The following ARMC10 variants were observed in gnomAD, a reference collection of about 807,000 sequenced individuals.
ARMC10 encodes armadillo repeat containing 10, also known as armadillo repeat-containing protein 10.
A neutral mutation model predicts 30.2 loss-of-function variants in ARMC10; 23 were observed. The ratio of observed to expected loss-of-function variants is 0.76; its 90% CI spans 0.55 to 1.08. The LOEUF is 1.08. Ranked by LOEUF, ARMC10 falls within the 50% of genes least tolerant of loss-of-function variation. The pLI, the probability that ARMC10 is intolerant of heterozygous loss-of-function variation, is 0.00. For missense variants in ARMC10, 303 were observed against 413.7 expected, an observed-to-expected ratio of 0.73 and a Z score of 2.32; for synonymous variants, 111 against 164.4, an observed-to-expected ratio of 0.68 and a Z score of 2.48.
Position 103,089,521 on chromosome 7 carries a change from G to A in ARMC10, c.528+2757G>A, listed in dbSNP as rs115348226. On this transcript the variant is annotated intron_variant, in intron 4 of 6. Transcript: ENST00000323716. ...TACAACTAATGGTCTTTTGGAACTG[G>A]TACTGCAACATCTGACTGAGTTTCA... 1.5e-3 allele frequency: 290 copies of A among 188,880 alleles called. 4 individuals are homozygous for A. The highest frequency in any genetic ancestry group is 6.5e-3 in the African/African-American group (278 of 42,694). 11.7% of individuals were successfully genotyped at this position (188,880 alleles called of 1,614,324 possible).
At chr7:103,082,872 G>C (rs1201502417) in intron 2 of ARMC10, among the ~76,000 whole-genome samples, 1 of 152,176 alleles carries the variant, frequency 6.6e-6, no homozygotes, top group African/African-American at 2.4e-5. Flanking sequence ...TCTTCAAAAT[G>C]TCAGGTTTTC....
At position 103,075,526 on chromosome 7, in the gene ARMC10, G is replaced by A. The variant is rs1171007312; in HGVS notation, c.139+115G>A. 3.6e-6 allele frequency: 4 copies of A among 1,120,342 alleles called. No individual in the cohort carries two copies. The African/African-American group carries it at 6.4e-5, about 18-fold the overall frequency. 69.4% of individuals were successfully genotyped at this position (1,120,342 alleles called of 1,614,324 possible). A position where few individuals can be genotyped will look rare whatever the true frequency, so the allele number is the denominator to read the frequency against. ...AATGAGGAGCCGAGCTAGAGGGAGA[G>A]GCAGTACTTGTGTGAGTGCAGGGTG... is the stretch of plus-strand genomic sequence containing the variant. On this transcript the variant is annotated intron_variant, in intron 1 of 6. Coordinates refer to ENST00000323716, the MANE Select transcript of ARMC10 (RefSeq NM_031905.5).
At chr7:103,080,887 G>C (rs1485375090) in intron 2 of ARMC10, among the ~76,000 whole-genome samples, 1 of 151,470 alleles carries the variant, frequency 6.6e-6, no homozygotes, top group South Asian at 2.1e-4. Context: ...CAGCCTCCCA[G>C]AGTGCTGGGA....
chr7:103,080,716 C>T (rs750112664), intron 2 of ARMC10, among the ~76,000 whole-genome samples: 12 of 151,760 alleles, frequency 7.9e-5, no homozygotes, highest in East Asian at 1.9e-4. Flanking sequence ...CAACCTCTGC[C>T]GCCCAGGTTC....
intron 6 of ARMC10, 62 bp downstream of exon 6, chr7:103,097,410 G>A: frequency 8.3e-7 from 1 of 1,207,658 alleles, no homozygotes; most frequent in South Asian, 1.3e-5. Flanking sequence ...CAGACAGACA[G>A]ATCTGGAAAG....
Position 103,097,343 on chromosome 7 carries a change from G to T in ARMC10, c.772G>T (p.Ala258Ser), listed in dbSNP as rs1345536871. Residue 258 changes from alanine (A) to serine (S), a missense_variant, in exon 6 of 7, where the codon GCC becomes TCC. Ala to Ser is a moderately conservative substitution (Grantham distance 99, BLOSUM62 1). This residue lies in a region of ARMC10 where 170 missense variants were observed against 207.2 expected (regional missense o/e 0.82). Transcript: ENST00000323716. ...NPAMTEGLLR[A>S]QVDSSFLSLY... ...AGCCATGACAGAAGGACTTCTCCGT[G>T]CCCAAGTAAATAGCTTATATATTTA... is the stretch of plus-strand genomic sequence containing the variant. 6 of 1,608,358 alleles carry T rather than the reference G, an allele frequency of 3.7e-6. No homozygotes were observed. The highest frequency in any genetic ancestry group is 1.1e-5 in the South Asian group (1 of 90,954).
At chr7:103,096,249 T>G (rs1250510623) in intron 5 of ARMC10, 16 of 152,156 alleles carry the variant, frequency 1.1e-4, no homozygotes, top group Admixed American at 1.0e-3. Context: ...CCTGTAATCC[T>G]AGTTACTTTG....
intron 2 of ARMC10, chr7:103,081,783 C>T (rs903447149): frequency 2.4e-5 from 10 of 408,260 alleles, no homozygotes; most frequent in South Asian, 8.8e-5. Context: ...TGCATGTGCA[C>T]GTGTATGTAT....
In ARMC10 at chr7:103,075,784, G is replaced by A; in HGVS notation, c.147G>A (p.Leu49=). Residue 49 remains leucine (L), a synonymous_variant, in exon 2 of 7, where the codon CTG becomes CTA. Transcript: ENST00000323716. ...GTCAATCTCTGCTTGCAGGTGCCCT[G>A]GAAGAAGGGACGTCAGAGGGTCAGT... ...GIRSSKSAGA[L]EEGTSEGQLC... is the part of the protein sequence containing the mutation. The A allele has an allele frequency of 6.2e-7, 1 of 1,608,030 alleles. No homozygotes were observed. Among genetic ancestry groups the A allele is most frequent in the South Asian group, 1.1e-5 (1 of 89,622 alleles).
At chr7:103,086,513 A>C in intron 3 of ARMC10, 117 bp from the exon 4 acceptor site, 1 of 1,127,250 alleles carries the variant, frequency 8.9e-7, no homozygotes, top group Non-Finnish European at 1.3e-6. Flanking sequence ...GTATATGGGA[A>C]AGAGATTTCC....
At chr7:103,094,349 T>G (rs1476103734) in intron 5 of ARMC10, among the ~76,000 whole-genome samples, 2 of 152,216 alleles carry the variant, frequency 1.3e-5, no homozygotes, top group African/African-American at 4.8e-5. Flanking sequence ...AAAAAACATG[T>G]CTTAATATGG....
Position 103,088,207 on chromosome 7 carries a change from A to T in ARMC10, c.528+1443A>T, listed in dbSNP as rs1303116682. Among the ~76,000 whole-genome samples, 10 of 152,314 alleles carry T rather than the reference A, an allele frequency of 6.6e-5. No individual in the cohort carries two copies. In the East Asian group the frequency reaches 1.9e-3, roughly 29 times the overall value. ...CCTTCCACAAGACGTATAGATCCAGATGAGATTAGTTTGGAATAGGGGTCT... is the reference window on the plus strand; with the variant it reads ...CCTTCCACAAGACGTATAGATCCAGTTGAGATTAGTTTGGAATAGGGGTCT... On this transcript the variant is annotated intron_variant, in intron 4 of 6. Transcript: ENST00000323716.
intron 5 of ARMC10, among the ~76,000 whole-genome samples, chr7:103,093,222 AAGT>A (rs1277472517): frequency 1.3e-5 from 2 of 152,214 alleles, no homozygotes; most frequent in Admixed American, 6.5e-5. Flanking sequence ...TTTCAAGAAA[AAGT>A]AGCATAAAAA....
chr7:103,090,004 T>C (rs914608864), intron 4 of ARMC10, among the ~76,000 whole-genome samples: 4 of 152,094 alleles, frequency 2.6e-5, no homozygotes, highest in South Asian at 4.1e-4. Context: ...ATTGAGTACA[T>C]AGAAAGGAGA....
In ARMC10 at chr7:103,086,418, T is replaced by C. The variant is rs1800857459; in HGVS notation, c.394-212T>C. Among the ~76,000 whole-genome samples the C allele has an allele frequency of 2.0e-5, 3 of 152,252 alleles. No homozygotes were observed. In the South Asian group the frequency reaches 6.2e-4, roughly 32 times the overall value. On this transcript the variant is annotated intron_variant, in intron 3 of 6. Coordinates refer to ENST00000323716, the MANE Select transcript of ARMC10 (RefSeq NM_031905.5). The stretch of plus-strand genomic sequence containing the variant: ...ACATTGTAGTTTAAATAATTATATA[T>C]CTTAATAATCTTATTTTCAATGGAT...
chr7:103,083,808 A>G lies in ARMC10; in HGVS notation c.371A>G (p.Asn124Ser), dbSNP rs1800597901. The G allele has an allele frequency of 2.5e-6, 4 of 1,613,936 alleles. No homozygotes were observed. The highest frequency in any genetic ancestry group is 3.4e-6 in the Non-Finnish European group (4 of 1,179,978). Residue 124 changes from asparagine (N) to serine (S), a missense_variant, in exon 3 of 7, where the codon AAT becomes AGT. This residue lies in a region of ARMC10 where 170 missense variants were observed against 207.2 expected (regional missense o/e 0.82). Coordinates refer to ENST00000323716, the MANE Select transcript of ARMC10 (RefSeq NM_031905.5). The part of the protein sequence containing the change: ...IERALITLGN[N>S]AAFSVNQAII... The stretch of plus-strand genomic sequence containing the variant: ...AGAGCTTTGATTACTTTGGGTAACA[A>G]TGCAGCCTTTTCAGTTAACCAAGTA...
chr7:103,098,656 T>C lies in ARMC10; in HGVS notation c.*103T>C. 6.7e-7 allele frequency: 1 copy of C among 1,486,600 alleles called. No homozygotes were observed. Among genetic ancestry groups the C allele is most frequent in the Non-Finnish European group, 8.9e-7 (1 of 1,118,672 alleles). 92.1% of individuals were successfully genotyped at this position (1,486,600 alleles called of 1,614,324 possible). ...AGCTGCTAAATTTAAACAGTAAATA[T>C]CACATTTTGTCATTAACACAGCTAT... On this transcript the variant is annotated 3_prime_UTR_variant, in exon 7 of 7. Transcript: ENST00000323716.
intron 2 of ARMC10, 114 bp from the exon 3 acceptor site, chr7:103,083,568 G>A: frequency 1.1e-6 from 1 of 884,872 alleles, no homozygotes; most frequent in Non-Finnish European, 1.7e-6. Flanking sequence ...CAAGGTTGTA[G>A]TGAGCCATGA....
At chr7:103,090,394 G>T (rs929163041) in intron 4 of ARMC10, among the ~76,000 whole-genome samples, 1 of 152,202 alleles carries the variant, frequency 6.6e-6, no homozygotes, top group Non-Finnish European at 1.5e-5. Flanking sequence ...AGGCGTGGTG[G>T]CTCACACCTG....
Sources: gnomAD v4.1 joint callset for allele counts (sites outside exome capture counted in the v4.1 genomes callset) on GRCh38, gnomAD v4.1.1 for gene constraint, gnomAD v4.1.1 regional missense constraint, MANE v1.5 for transcripts, NCBI Gene and HGNC (gene_info 2026-07-23, HGNC 2026-07-21) for gene names.